The following FAM135B variants were observed in gnomAD, a reference collection of about 807,000 sequenced individuals.
The protein encoded by FAM135B is family with sequence similarity 135 member B, also known as protein FAM135B.
FAM135B carries 43 observed loss-of-function variants against 127.7 expected under a neutral mutation model. That is an observed-to-expected ratio of 0.34 (90% CI 0.26 to 0.43). FAM135B has a LOEUF of 0.43. Among genes scored for constraint, FAM135B ranks in the 20% least tolerant of loss-of-function variants. The pLI is 1.00. For missense variants in FAM135B, 1,558 were observed against 1,725.6 expected, an observed-to-expected ratio of 0.90 and a Z score of 1.72; for synonymous variants, 670 against 665.1, an observed-to-expected ratio of 1.01 and a Z score of -0.11.
At position 138,297,664 on chromosome 8, in the gene FAM135B, G is replaced by T. The variant is rs559028296; in HGVS notation, c.157+13177C>A. ...AGTGTGAACGTCCAATGAGAGCTGG[G>T]AGTATGAAGAGAAGGAGGATAGTGA... On this transcript the variant is annotated intron_variant, in intron 3 of 19. Transcript: ENST00000395297. 5.1e-4 allele frequency among the ~76,000 whole-genome samples: 78 copies of T among 152,314 alleles called. 1 individual carries two copies. Among genetic ancestry groups the T allele is most frequent in the South Asian group, 1.9e-3 (9 of 4,828 alleles).
At chr8:138,145,731 G>A (rs1048907172) in intron 15 of FAM135B, among the ~76,000 whole-genome samples, 1 of 152,102 alleles carries the variant, frequency 6.6e-6, no homozygotes, top group African/African-American at 2.4e-5. Flanking sequence ...GCCCTGTGAG[G>A]GCAAAGGCTC....
chr8:138,209,518 G>C (rs1485997943), intron 7 of FAM135B, among the ~76,000 whole-genome samples: 1 of 152,188 alleles, frequency 6.6e-6, no homozygotes, highest in African/African-American at 2.4e-5. Context: ...TGGGCTGCCA[G>C]AGTCCAGGAG....
intron 1 of FAM135B, among the ~76,000 whole-genome samples, chr8:138,376,754 T>C (rs1831501519): frequency 6.6e-6 from 1 of 152,222 alleles, no homozygotes; most frequent in Non-Finnish European, 1.5e-5. Flanking sequence ...TATAAAGAGC[T>C]TCAGTCATTG....
intron 1 of FAM135B, among the ~76,000 whole-genome samples, chr8:138,378,669 C>A (rs2131273507): frequency 6.6e-6 from 1 of 152,178 alleles, no homozygotes; most frequent in Non-Finnish European, 1.5e-5. Context: ...GGCATTCACC[C>A]CCTTAATGTT....
At chr8:138,206,130 G>A (rs1390013508) in intron 7 of FAM135B, among the ~76,000 whole-genome samples, 1 of 115,724 alleles carries the variant, frequency 8.6e-6, no homozygotes, top group South Asian at 2.8e-4. Flanking sequence ...ACACAGGCCA[G>A]CAGCACCTCC....
intron 1 of FAM135B, among the ~76,000 whole-genome samples, chr8:138,426,028 T>TACAC (rs527267067): frequency 4.7e-5 from 2 of 42,984 alleles, no homozygotes; most frequent in African/African-American, 1.0e-4. Context: ...CACATACATA[T>TACAC]ACACACACAC....
At chr8:138,182,606 A>G in intron 9 of FAM135B, among the ~76,000 whole-genome samples, 1 of 152,214 alleles carries the variant, frequency 6.6e-6, no homozygotes, top group East Asian at 1.9e-4. Context: ...TGTTATAGCT[A>G]TTTAATTAGA....
intron 1 of FAM135B, among the ~76,000 whole-genome samples, chr8:138,399,545 C>G (rs534968383): frequency 6.6e-6 from 1 of 152,176 alleles, no homozygotes; most frequent in South Asian, 2.1e-4. Context: ...TTACCACCCC[C>G]ACTGTCAACA....
At chr8:138,281,603 T>C (rs1824271635) in intron 3 of FAM135B, among the ~76,000 whole-genome samples, 1 of 152,104 alleles carries the variant, frequency 6.6e-6, no homozygotes, top group South Asian at 2.1e-4. Flanking sequence ...TGAAATACCC[T>C]CCCTTGGCCG....
At chr8:138,165,339 C>T (rs1006952387) in intron 12 of FAM135B, among the ~76,000 whole-genome samples, 5 of 151,812 alleles carry the variant, frequency 3.3e-5, no homozygotes, top group East Asian at 1.9e-4. Context: ...AGGCTGGTCT[C>T]GAACTCCCGA....
At chr8:138,488,501 T>C (rs1202108170) in intron 1 of FAM135B, among the ~76,000 whole-genome samples, 1 of 151,422 alleles carries the variant, frequency 6.6e-6, no homozygotes, top group East Asian at 1.9e-4. Flanking sequence ...GAGACATCAC[T>C]ACAAAGAGGG....
intron 3 of FAM135B, among the ~76,000 whole-genome samples, chr8:138,293,848 A>G (rs1267531875): frequency 6.6e-6 from 1 of 152,224 alleles, no homozygotes; most frequent in Admixed American, 6.5e-5. Flanking sequence ...GATTTCTTAA[A>G]GAACTAAAAG....
intron 2 of FAM135B, among the ~76,000 whole-genome samples, chr8:138,336,307 T>G (rs1237286802): frequency 3.3e-5 from 5 of 152,088 alleles, no homozygotes; most frequent in Non-Finnish European, 5.9e-5. Context: ...AAAAAATCAA[T>G]GAATCCAGGA....
chr8:138,238,132 G>A (rs888344897), intron 7 of FAM135B, among the ~76,000 whole-genome samples: 3 of 152,148 alleles, frequency 2.0e-5, no homozygotes, highest in Admixed American at 1.3e-4. Flanking sequence ...GGAAAACCAC[G>A]TGGCAGACTC....
intron 3 of FAM135B, among the ~76,000 whole-genome samples, chr8:138,291,010 G>A (rs746448998): frequency 2.0e-5 from 3 of 152,122 alleles, no homozygotes; most frequent in Non-Finnish European, 4.4e-5. Context: ...TGACCAGGAG[G>A]CTCAGGGACC....
chr8:138,207,017 G>T (rs983707638), intron 7 of FAM135B, among the ~76,000 whole-genome samples: 1 of 152,036 alleles, frequency 6.6e-6, no homozygotes, highest in Admixed American at 6.6e-5. Flanking sequence ...TCCTACAAGC[G>T]AGTGTTGAGT....
chr8:138,375,707 G>C (rs1411791846), intron 1 of FAM135B, among the ~76,000 whole-genome samples: 2 of 151,882 alleles, frequency 1.3e-5, no homozygotes, highest in Non-Finnish European at 2.9e-5. Context: ...CTTTTCTTTT[G>C]GCATGTGTGT....
intron 1 of FAM135B, among the ~76,000 whole-genome samples, chr8:138,410,936 T>G (rs1032306752): frequency 6.6e-6 from 1 of 151,174 alleles, no homozygotes; most frequent in Non-Finnish European, 1.5e-5. Flanking sequence ...TTACAAGGGA[T>G]GTGAAGGACC....
chr8:138,167,027 C>T (rs1399874302), intron 12 of FAM135B, among the ~76,000 whole-genome samples: 1 of 151,946 alleles, frequency 6.6e-6, no homozygotes, highest in East Asian at 1.9e-4. Flanking sequence ...TACCCACACT[C>T]ACTCTGACCA....
Sources: gnomAD v4.1 joint callset for allele counts (sites outside exome capture counted in the v4.1 genomes callset) on GRCh38, gnomAD v4.1.1 for gene constraint, MANE v1.5 for transcripts, NCBI Gene and HGNC (gene_info 2026-07-23, HGNC 2026-07-21) for gene names.